UNC5C: variants seen among roughly 807,000 people sequenced by gnomAD.
The protein encoded by UNC5C is unc-5 netrin receptor C.
UNC5C carries 47 observed loss-of-function variants against 99.8 expected under a neutral mutation model. That is an observed-to-expected ratio of 0.47 (90% CI 0.37 to 0.60). The LOEUF (loss-of-function observed/expected upper bound fraction) is 0.60. UNC5C is among the 20% of genes least tolerant of loss of function. The probability of loss-of-function intolerance (pLI) is 0.00; values close to 1 mark genes in which losing one functional copy is unlikely to be tolerated. For synonymous variants in UNC5C, 487 were observed against 452.2 expected, an observed-to-expected ratio of 1.08 and a Z score of -0.98; for missense variants, 1,062 against 1,165.9, an observed-to-expected ratio of 0.91 and a Z score of 1.30.
chr4:95,446,623 T>C (rs1383240724), intron 1 of UNC5C, among the ~76,000 whole-genome samples: 2 of 152,154 alleles, frequency 1.3e-5, no homozygotes, highest in Non-Finnish European at 2.9e-5. Context: ...AGATCGCAGA[T>C]TTAAATTTAA....
intron 1 of UNC5C, among the ~76,000 whole-genome samples, chr4:95,456,615 A>G (rs1747434093): frequency 1.3e-5 from 2 of 152,160 alleles, no homozygotes; most frequent in East Asian, 3.9e-4. Context: ...GAAGCCAGAC[A>G]TATTAAGGAA....
At chr4:95,293,381 C>A (rs1394859602) in intron 3 of UNC5C, among the ~76,000 whole-genome samples, 6 of 136,506 alleles carry the variant, frequency 4.4e-5, no homozygotes, top group African/African-American at 8.4e-5. Context: ...TGGCTCACTG[C>A]AGCCTTGACC....
intron 1 of UNC5C, among the ~76,000 whole-genome samples, chr4:95,485,378 A>T (rs1317765041): frequency 6.6e-6 from 1 of 151,810 alleles, no homozygotes; most frequent in African/African-American, 2.4e-5. Context: ...TATTTAGGAA[A>T]CGTGTAGTAA....
chr4:95,426,136 A>G (rs976161468), intron 1 of UNC5C, among the ~76,000 whole-genome samples: 3 of 152,222 alleles, frequency 2.0e-5, no homozygotes, highest in African/African-American at 4.8e-5. Context: ...TTTTTCCAAT[A>G]GCATGTGCTC....
At chr4:95,182,674 TAA>T (rs1340931532) in intron 14 of UNC5C, among the ~76,000 whole-genome samples, 3 of 152,172 alleles carry the variant, frequency 2.0e-5, no homozygotes, top group Non-Finnish European at 2.9e-5. Context: ...TCATAAAAAT[TAA>T]GACTTGTTTT....
chr4:95,538,480 A>C (rs1283433157), intron 1 of UNC5C, among the ~76,000 whole-genome samples: 4 of 152,216 alleles, frequency 2.6e-5, no homozygotes, highest in African/African-American at 7.2e-5. Flanking sequence ...ACTTGCATTC[A>C]GCATTAAACA....
chr4:95,356,586 C>T (rs1744212623), intron 1 of UNC5C, among the ~76,000 whole-genome samples: 1 of 152,144 alleles, frequency 6.6e-6, no homozygotes, highest in South Asian at 2.1e-4. Context: ...GTTGTAAAGA[C>T]ATCATACACA....
chr4:95,398,908 TA>T (rs1468266299), intron 1 of UNC5C, among the ~76,000 whole-genome samples: 1 of 152,112 alleles, frequency 6.6e-6, no homozygotes, highest in Admixed American at 6.5e-5. Context: ...GCTAATTAGA[TA>T]AAAATCACAG....
intron 10 of UNC5C, among the ~76,000 whole-genome samples, chr4:95,212,325 A>G (rs1449723741): frequency 6.6e-6 from 1 of 151,874 alleles, no homozygotes; most frequent in East Asian, 1.9e-4. Flanking sequence ...TTTTACTTTA[A>G]TGACACCTCG....
At chr4:95,473,649 A>G (rs1748044509) in intron 1 of UNC5C, among the ~76,000 whole-genome samples, 1 of 152,142 alleles carries the variant, frequency 6.6e-6, no homozygotes, top group South Asian at 2.1e-4. Context: ...AAAGCCTATC[A>G]TAAGATGAAG....
intron 1 of UNC5C, among the ~76,000 whole-genome samples, chr4:95,374,304 T>C (rs551120264): frequency 6.6e-6 from 1 of 152,150 alleles, no homozygotes; most frequent in Non-Finnish European, 1.5e-5. Context: ...TATCCTCTAA[T>C]CTTGACAAAT....
intron 14 of UNC5C, among the ~76,000 whole-genome samples, chr4:95,174,449 T>G (rs566009827): frequency 1.6e-3 from 239 of 152,348 alleles, no homozygotes; most frequent in African/African-American, 5.6e-3. Context: ...TGTGTCTTTG[T>G]TCTCGTTGGT....
intron 7 of UNC5C, among the ~76,000 whole-genome samples, chr4:95,221,699 G>T (rs753669807): frequency 1.3e-5 from 2 of 152,178 alleles, no homozygotes; most frequent in Non-Finnish European, 2.9e-5. Flanking sequence ...CAGAAAACCA[G>T]TGATATCACA....
intron 1 of UNC5C, among the ~76,000 whole-genome samples, chr4:95,525,389 A>G (rs1444253101): frequency 6.6e-6 from 1 of 152,114 alleles, no homozygotes; most frequent in African/African-American, 2.4e-5. Flanking sequence ...CCAGGTACTT[A>G]TCATTATTCA....
chr4:95,258,759 T>TG (rs1181055944), intron 4 of UNC5C, among the ~76,000 whole-genome samples: 1 of 116,892 alleles, frequency 8.6e-6, no homozygotes, highest in Non-Finnish European at 1.9e-5. Flanking sequence ...TTTTTTTTTT[T>TG]TTTTTTTTTT....
chr4:95,278,203 C>T (rs1213481145), intron 4 of UNC5C, 56 bp downstream of exon 4: 1 of 1,412,082 alleles, frequency 7.1e-7, no homozygotes, highest in Non-Finnish European at 1.0e-6. Context: ...TGGATTAGGC[C>T]TCTGTTAGAA....
At chr4:95,389,085 C>T (rs10516970) in intron 1 of UNC5C, among the ~76,000 whole-genome samples, 34,479 of 152,020 alleles carry the variant, frequency 0.23, 4,571 homozygotes, top group East Asian at 0.64. Flanking sequence ...GATAGGCCTG[C>T]TGTTATTCAA....
At chr4:95,198,670 T>TGAA (rs750573905) in intron 12 of UNC5C, among the ~76,000 whole-genome samples, 2 of 151,972 alleles carry the variant, frequency 1.3e-5, no homozygotes, top group African/African-American at 4.8e-5. Context: ...GCCTGGGCAG[T>TGAA]GAAGAGATGC....
intron 1 of UNC5C, among the ~76,000 whole-genome samples, chr4:95,383,120 A>G (rs1019644307): frequency 6.6e-6 from 1 of 152,252 alleles, no homozygotes; most frequent in Non-Finnish European, 1.5e-5. Context: ...AGTTTAATCC[A>G]ATATCAAAAC....
Sources: allele counts gnomAD v4.1 joint callset (sites outside exome capture counted in the v4.1 genomes callset), GRCh38; gene constraint gnomAD v4.1.1; transcripts MANE v1.5; gene names NCBI Gene and HGNC (gene_info 2026-07-23, HGNC 2026-07-21).